The following RNLS variants were observed in gnomAD, a reference collection of about 807,000 sequenced individuals.
RNLS encodes the protein renalase, FAD dependent amine oxidase.
Under a neutral mutation model 39.8 loss-of-function variants are expected in RNLS, and 39 were observed. The observed-to-expected ratio is 0.98, with a 90% CI of 0.76 to 1.28. The LOEUF (loss-of-function observed/expected upper bound fraction) is 1.28, where lower values mean the gene tolerates loss of function less well. Among genes scored for constraint, RNLS ranks in the 50% most tolerant of loss-of-function variants. The pLI is 0.00. For missense variants in RNLS, 410 were observed against 413.3 expected (o/e 0.99, Z 0.07); for synonymous variants, 147 against 150.7 (o/e 0.98, Z 0.18).
downstream of RNLS, among the ~76,000 whole-genome samples, chr10:88,270,033 A>G (rs1047166905): frequency 1.3e-5 from 2 of 152,072 alleles, no homozygotes; most frequent in African/African-American, 4.8e-5. Flanking sequence ...TTTGAAATCC[A>G]CTTGTCTAAC....
chr10:88,473,754 G>A (rs1843666486), intron 4 of RNLS, among the ~76,000 whole-genome samples: 1 of 152,098 alleles, frequency 6.6e-6, no homozygotes, highest in Non-Finnish European at 1.5e-5. Context: ...TAAAAATGAA[G>A]TTTCAGAGGA....
In RNLS at chr10:88,565,747, CTTTTTTTT is replaced by C. The variant is rs34655092; in HGVS notation, c.526+7148_526+7155del. ...TTAAAACAGTGTCAACGTTATCTTTCTTTTTTTTTTTTTTTTTTTTTGAGAGGGAGTCT... is the reference window on the plus strand; with the variant it reads ...TTAAAACAGTGTCAACGTTATCTTTCTTTTTTTTTTTTTGAGAGGGAGTCT... On this transcript the variant is annotated intron_variant, in intron 4 of 6. Transcript: ENST00000331772. Among the ~76,000 whole-genome samples, 4 of 98,014 alleles carry C rather than the reference CTTTTTTTT, an allele frequency of 4.1e-5. 1 individual carries two copies. The highest frequency in any genetic ancestry group is 1.6e-4 in the African/African-American group (4 of 24,260). 64.3% of individuals were successfully genotyped at this position (98,014 alleles called of 152,430 possible). A position where few individuals can be genotyped will look rare whatever the true frequency, so the allele number is the denominator to read the frequency against.
At position 88,494,780 on chromosome 10, in the gene RNLS, T is replaced by G. The variant is rs189024992; in HGVS notation, c.526+78123A>C. ...CAACTCTGATAGGTGCCTGCCAAAT[T>G]TAGTGGTGAACCCTTTCTCTAGACC... is the stretch of plus-strand genomic sequence containing the variant. On this transcript the variant is annotated intron_variant, in intron 4 of 6. Coordinates refer to ENST00000331772, the MANE Select transcript of RNLS (RefSeq NM_001031709.3). Among the ~76,000 whole-genome samples, 123 of 152,234 alleles carry G rather than the reference T, an allele frequency of 8.1e-4. 2 individuals carry two copies. The East Asian group carries it at 0.019, about 24-fold the overall frequency.
intron 4 of RNLS, among the ~76,000 whole-genome samples, chr10:88,570,989 GTT>G (rs144516764): frequency 7.9e-6 from 1 of 126,554 alleles, no homozygotes. Flanking sequence ...TTTTTGGTTT[GTT>G]TTTTTTTTTT....
the RNLS span, among the ~76,000 whole-genome samples, chr10:88,187,178 A>T: frequency 6.3e-5 from 8 of 127,432 alleles, 1 homozygote; most frequent in Admixed American, 4.1e-4. Flanking sequence ...ATATATATAT[A>T]ATATATATAA....
chr10:88,291,574 C>T (rs1416941561), intron 6 of RNLS, among the ~76,000 whole-genome samples: 2 of 152,162 alleles, frequency 1.3e-5, no homozygotes, highest in Admixed American at 6.5e-5. Context: ...TTCTCTCTTC[C>T]GTGCCTCAGG....
At chr10:88,207,563 TCA>T in the RNLS span, among the ~76,000 whole-genome samples, 1 of 152,170 alleles carries the variant, frequency 6.6e-6, no homozygotes, top group African/African-American at 2.4e-5. Flanking sequence ...AATGGGACTC[TCA>T]CACATTGCTT....
At chr10:88,447,051 A>G (rs1842076815) in intron 4 of RNLS, among the ~76,000 whole-genome samples, 1 of 152,244 alleles carries the variant, frequency 6.6e-6, no homozygotes, top group South Asian at 2.1e-4. Flanking sequence ...CCCACAGCCA[A>G]TATCATACTG....
chr10:88,371,977 T>C (rs915908153), intron 4 of RNLS, among the ~76,000 whole-genome samples: 1 of 152,150 alleles, frequency 6.6e-6, no homozygotes, highest in African/African-American at 2.4e-5. Context: ...AATCAATGCT[T>C]TAAGTGGCAT....
At chr10:88,219,283 C>T in the RNLS span, among the ~76,000 whole-genome samples, 1 of 152,170 alleles carries the variant, frequency 6.6e-6, no homozygotes, top group Non-Finnish European at 1.5e-5. Flanking sequence ...ATTGCTATTT[C>T]CAAGTCTAAA....
intron 4 of RNLS, among the ~76,000 whole-genome samples, chr10:88,537,525 A>C (rs1234630774): frequency 6.6e-6 from 1 of 152,230 alleles, no homozygotes; most frequent in Non-Finnish European, 1.5e-5. Context: ...AGCAGTAAGA[A>C]TGAACCATTT....
chr10:88,495,168 T>C (rs1057335140), intron 4 of RNLS, among the ~76,000 whole-genome samples: 1 of 152,170 alleles, frequency 6.6e-6, no homozygotes, highest in Non-Finnish European at 1.5e-5. Context: ...TAAGAAGCAA[T>C]GTTAAATAAT....
intron 4 of RNLS, among the ~76,000 whole-genome samples, chr10:88,457,986 A>T (rs941861923): frequency 3.9e-5 from 6 of 152,248 alleles, no homozygotes; most frequent in African/African-American, 1.4e-4. Context: ...GGTCAGGCAG[A>T]CTCCTTGAAA....
At chr10:88,449,425 A>C (rs753754627) in intron 4 of RNLS, among the ~76,000 whole-genome samples, 1 of 152,208 alleles carries the variant, frequency 6.6e-6, no homozygotes, top group East Asian at 1.9e-4. Flanking sequence ...CTCAAGTGTC[A>C]CCTTCTCTAG....
chr10:88,564,078 A>G (rs1362555071), intron 4 of RNLS, among the ~76,000 whole-genome samples: 1 of 152,182 alleles, frequency 6.6e-6, no homozygotes, highest in African/African-American at 2.4e-5. Flanking sequence ...ATTTCTAGAT[A>G]AAGAAATTTT....
chr10:88,364,224 G>A (rs1589655173), intron 4 of RNLS, among the ~76,000 whole-genome samples: 1 of 151,994 alleles, frequency 6.6e-6, no homozygotes, highest in South Asian at 2.1e-4. Flanking sequence ...ATTTAATTGG[G>A]GTAAAATATC....
chr10:88,484,571 C>T (rs1226270690), intron 4 of RNLS, among the ~76,000 whole-genome samples: 1 of 151,952 alleles, frequency 6.6e-6, no homozygotes, highest in African/African-American at 2.4e-5. Flanking sequence ...CTTCTCCCCA[C>T]TCCTAGCTAC....
At chr10:88,257,383 G>A in the RNLS span, among the ~76,000 whole-genome samples, 1 of 152,164 alleles carries the variant, frequency 6.6e-6, no homozygotes, top group Non-Finnish European at 1.5e-5. Flanking sequence ...GGACAATATA[G>A]CGTGCACACT....
chr10:88,417,656 A>T (rs1200046653), intron 4 of RNLS, among the ~76,000 whole-genome samples: 1 of 152,082 alleles, frequency 6.6e-6, no homozygotes, highest in Non-Finnish European at 1.5e-5. Flanking sequence ...TATGAGCCAT[A>T]GCCCTTTAAA....
Sources: allele counts gnomAD v4.1 joint callset (sites outside exome capture counted in the v4.1 genomes callset), GRCh38; gene constraint gnomAD v4.1.1; transcripts MANE v1.5; gene names NCBI Gene and HGNC (gene_info 2026-07-23, HGNC 2026-07-21).